RRAS2: variants seen among roughly 807,000 people sequenced by gnomAD.
RRAS2 encodes the protein RAS related 2.
Under a neutral mutation model 27.6 loss-of-function variants are expected in RRAS2, and 7 were observed. The observed-to-expected ratio is 0.25, with a 90% CI of 0.14 to 0.48. The LOEUF (loss-of-function observed/expected upper bound fraction) is 0.48, where lower values mean the gene tolerates loss of function less well. Ranked by LOEUF, RRAS2 falls within the 20% of genes least tolerant of loss-of-function variation. RRAS2 has a pLI of 0.99. For missense variants in RRAS2, 178 were observed against 256.2 expected (o/e 0.69, Z 2.08); for synonymous variants, 86 against 90.9 (o/e 0.95, Z 0.31).
chr11:14,303,434 C>A (rs888163263), intron 1 of RRAS2, among the ~76,000 whole-genome samples: 1 of 152,108 alleles, frequency 6.6e-6, no homozygotes, highest in Admixed American at 6.5e-5. Context: ...TAAAATCATT[C>A]TTTGACTATA....
intron 1 of RRAS2, among the ~76,000 whole-genome samples, chr11:14,334,714 T>C (rs760988538): frequency 9.2e-5 from 14 of 152,082 alleles, no homozygotes; most frequent in Non-Finnish European, 1.2e-4. Context: ...AAAAAAAGTA[T>C]ATTATTCTGC....
intron 1 of RRAS2, among the ~76,000 whole-genome samples, chr11:14,339,604 T>C (rs1270552244): frequency 2.0e-5 from 3 of 152,160 alleles, no homozygotes; most frequent in Non-Finnish European, 4.4e-5. Context: ...GATATTTTCA[T>C]GTAATAGCTA....
intron 1 of RRAS2, among the ~76,000 whole-genome samples, chr11:14,307,681 C>T (rs1244089717): frequency 6.6e-6 from 1 of 151,972 alleles, no homozygotes; most frequent in East Asian, 1.9e-4. Flanking sequence ...ACTAACATAG[C>T]ACATAGCCTG....
At chr11:14,356,528 A>G (rs1322379543) in intron 1 of RRAS2, among the ~76,000 whole-genome samples, 1 of 152,116 alleles carries the variant, frequency 6.6e-6, no homozygotes, top group Admixed American at 6.5e-5. Flanking sequence ...AATCAGACCC[A>G]TTTTACTGGC....
chr11:14,294,362 G>T, intron 4 of RRAS2, 109 bp downstream of exon 4: 1 of 634,490 alleles, frequency 1.6e-6, no homozygotes. Context: ...TAAGTGGCAT[G>T]GAGCACCGTA....
In RRAS2 at chr11:14,336,213, C is replaced by G. The variant is rs1324804425; in HGVS notation, c.108+22550G>C. ...TAAGCTGAGTAGGGAATCTAGACAC[C>G]TGCCTCACCTCACAGTAACAAGGCA... On this transcript the variant is annotated intron_variant, in intron 1 of 5. Coordinates refer to ENST00000256196, the MANE Select transcript of RRAS2 (RefSeq NM_012250.6). 3.3e-5 allele frequency among the ~76,000 whole-genome samples: 5 copies of G among 152,152 alleles called. No individual in the cohort carries two copies. In the South Asian group the frequency reaches 8.3e-4, roughly 25 times the overall value.
chr11:14,305,872 C>G (rs1847817188), intron 1 of RRAS2, among the ~76,000 whole-genome samples: 1 of 151,928 alleles, frequency 6.6e-6, no homozygotes, highest in Admixed American at 6.6e-5. Context: ...AGTGAGACCC[C>G]CATCTCTACA....
At chr11:14,321,790 A>C (rs995982657) in intron 1 of RRAS2, among the ~76,000 whole-genome samples, 9 of 152,200 alleles carry the variant, frequency 5.9e-5, no homozygotes, top group Admixed American at 5.2e-4. Flanking sequence ...AGGTGAAGAC[A>C]ACATTTGAAA....
At chr11:14,340,665 A>AG (rs1554953150) in intron 1 of RRAS2, among the ~76,000 whole-genome samples, 1 of 152,190 alleles carries the variant, frequency 6.6e-6, no homozygotes, top group Non-Finnish European at 1.5e-5. Flanking sequence ...TTAGACCCTT[A>AG]GTTCAGTAAA....
chr11:14,356,768 T>G, intron 1 of RRAS2: 1 of 452,346 alleles, frequency 2.2e-6, no homozygotes, highest in Non-Finnish European at 4.4e-6. Flanking sequence ...CAACAAATGA[T>G]TCTATAAATT....
intron 5 of RRAS2, among the ~76,000 whole-genome samples, chr11:14,280,849 A>G (rs2133942085): frequency 6.6e-6 from 1 of 151,956 alleles, no homozygotes; most frequent in South Asian, 2.1e-4. Context: ...AGGCATCAAG[A>G]CCCAAAATAA....
At chr11:14,329,422 A>G (rs2134008605) in intron 1 of RRAS2, among the ~76,000 whole-genome samples, 1 of 152,292 alleles carries the variant, frequency 6.6e-6, no homozygotes, top group South Asian at 2.1e-4. Flanking sequence ...CCAAAATTAT[A>G]TATTTTAAAG....
Position 14,288,362 on chromosome 11 carries a change from A to T in RRAS2, c.408+6109T>A, listed in dbSNP as rs1230689385. 4.6e-5 allele frequency among the ~76,000 whole-genome samples: 7 copies of T among 152,226 alleles called. No individual in the cohort carries two copies. In the South Asian group the frequency reaches 1.4e-3, roughly 31 times the overall value. ...AAATTTATACATACATTTCTGGTGA[A>T]GAAATCTCTAACCACATGCTTGTGA... is the stretch of plus-strand genomic sequence containing the variant. On this transcript the variant is annotated intron_variant, in intron 4 of 5. Coordinates refer to ENST00000256196, the MANE Select transcript of RRAS2 (RefSeq NM_012250.6).
rs906274289 is a variant in RRAS2, at chr11:14,352,764, G to T, written c.108+5999C>A. On this transcript the variant is annotated intron_variant, in intron 1 of 5. Transcript: ENST00000256196. ...TTTAAAATATATATATATAGAGAGA[G>T]AGAGAGAGAGAGAGAGGGAGAGAGA... is the stretch of plus-strand genomic sequence containing the variant. Among the ~76,000 whole-genome samples, 898 of 148,530 alleles carry T rather than the reference G, an allele frequency of 6.0e-3. 4 individuals carry two copies. The highest frequency in any genetic ancestry group is 0.018 in the African/African-American group (749 of 40,664).
At chr11:14,363,934 G>A (rs1305164960), upstream of RRAS2, among the ~76,000 whole-genome samples, 1 of 151,980 alleles carries the variant, frequency 6.6e-6, no homozygotes, top group Non-Finnish European at 1.5e-5. Context: ...GCTGGGCATG[G>A]TGGCACATGC....
At chr11:14,359,190 C>G, upstream of RRAS2, 1 of 910,116 alleles carries the variant, frequency 1.1e-6, no homozygotes, top group Non-Finnish European at 1.3e-6. Context: ...GTCTGGGGGC[C>G]GGGCTGCCAG....
chr11:14,321,063 C>T lies in RRAS2; in HGVS notation c.109-25208G>A, dbSNP rs545681657. Among the ~76,000 whole-genome samples the T allele has an allele frequency of 2.6e-5, 4 of 152,076 alleles. No individual in the cohort carries two copies. The South Asian group carries it at 6.2e-4, about 24-fold the overall frequency. On this transcript the variant is annotated intron_variant, in intron 1 of 5. Transcript: ENST00000256196. The stretch of plus-strand genomic sequence containing the variant: ...GGTGTGGTGGCAGGCGCCTGTAATC[C>T]CAGCTACTTGGGAGGCTGAGGCAGG...
At chr11:14,321,419 A>G (rs1354213906) in intron 1 of RRAS2, among the ~76,000 whole-genome samples, 1 of 152,118 alleles carries the variant, frequency 6.6e-6, no homozygotes, top group African/African-American at 2.4e-5. Flanking sequence ...AAAATTGTCA[A>G]AACTTCTGAA....
chr11:14,314,715 A>C (rs1304136165), intron 1 of RRAS2, among the ~76,000 whole-genome samples: 1 of 152,176 alleles, frequency 6.6e-6, no homozygotes, highest in Non-Finnish European at 1.5e-5. Context: ...GTTGAGATGG[A>C]GTCTCACTCT....
Sources: allele counts gnomAD v4.1 joint callset (sites outside exome capture counted in the v4.1 genomes callset), GRCh38; gene constraint gnomAD v4.1.1; transcripts MANE v1.5; gene names NCBI Gene and HGNC (gene_info 2026-07-23, HGNC 2026-07-21).